Variants in TBC1D22A observed in about 807,000 individuals in gnomAD.
TBC1D22A encodes the protein TBC1 domain family member 22A.
Under a neutral mutation model 60.2 loss-of-function variants are expected in TBC1D22A, and 38 were observed. That is an observed-to-expected ratio of 0.63 (90% CI 0.49 to 0.83). The LOEUF is 0.83. Ranked by LOEUF, TBC1D22A falls within the 40% of genes least tolerant of loss-of-function variation. The pLI, the probability that TBC1D22A is intolerant of heterozygous loss-of-function variation, is 0.00. For synonymous variants in TBC1D22A, 302 were observed against 281.7 expected, an observed-to-expected ratio of 1.07 and a Z score of -0.72; for missense variants, 628 against 701.0, an observed-to-expected ratio of 0.90 and a Z score of 1.18.
At chr22:47,161,301 T>A (rs1441788471) in intron 12 of TBC1D22A, among the ~76,000 whole-genome samples, 1 of 151,556 alleles carries the variant, frequency 6.6e-6, no homozygotes, top group African/African-American at 2.4e-5. Context: ...TCGGGGGCGG[T>A]CCATCTCCTG....
intron 11 of TBC1D22A, among the ~76,000 whole-genome samples, chr22:47,052,880 G>A (rs2063273631): frequency 1.3e-5 from 2 of 152,230 alleles, no homozygotes; most frequent in South Asian, 4.1e-4. Flanking sequence ...CACATGGCTG[G>A]CCCTCTGTGG....
intron 6 of TBC1D22A, among the ~76,000 whole-genome samples, chr22:46,893,805 G>A (rs999495720): frequency 5.9e-5 from 9 of 152,204 alleles, no homozygotes; most frequent in South Asian, 2.1e-4. Flanking sequence ...TGCTGCTGGC[G>A]GGCCTCCTTT....
intron 11 of TBC1D22A, among the ~76,000 whole-genome samples, chr22:47,089,959 C>T (rs550722155): frequency 6.6e-5 from 10 of 152,232 alleles, no homozygotes; most frequent in African/African-American, 1.9e-4. Flanking sequence ...TCAGAACAGC[C>T]CAGTGTGAAG....
intron 8 of TBC1D22A, among the ~76,000 whole-genome samples, chr22:46,956,536 TAGA>T (rs1250472465): frequency 6.6e-6 from 1 of 152,244 alleles, no homozygotes; most frequent in African/African-American, 2.4e-5. Context: ...TAGAGAGACT[TAGA>T]AGAAGCAGAG....
intron 4 of TBC1D22A, among the ~76,000 whole-genome samples, chr22:46,853,947 A>G (rs2087426859): frequency 6.6e-6 from 1 of 152,130 alleles, no homozygotes; most frequent in Non-Finnish European, 1.5e-5. Flanking sequence ...TTTTGCACCA[A>G]TGGACACTTC....
intron 1 of TBC1D22A, among the ~76,000 whole-genome samples, chr22:46,768,434 A>G (rs1038393934): frequency 1.7e-4 from 25 of 145,452 alleles, no homozygotes; most frequent in East Asian, 4.1e-4. Flanking sequence ...GCAGTGAGCC[A>G]AGGTCGCGCC....
Position 46,918,489 on chromosome 22 carries a change from C to T in TBC1D22A, c.1015+6301C>T, listed in dbSNP as rs139834340. On this transcript the variant is annotated intron_variant, in intron 8 of 12. Transcript: ENST00000337137. Reference sequence around the variant, plus strand: ...CAGGCTGCCAGACCAGTGTGTGCCCCGGGGAGAGGTATGGTGGTGTGGTAA... The same window carrying T: ...CAGGCTGCCAGACCAGTGTGTGCCCTGGGGAGAGGTATGGTGGTGTGGTAA... Among the ~76,000 whole-genome samples the T allele has an allele frequency of 7.0e-3, 1,071 of 152,126 alleles. 14 individuals are homozygous for T. Among genetic ancestry groups the T allele is most frequent in the Non-Finnish European group, 6.6e-3 (452 of 68,006 alleles).
chr22:47,133,103 A>G (rs1380194157), intron 12 of TBC1D22A, among the ~76,000 whole-genome samples: 4 of 152,274 alleles, frequency 2.6e-5, no homozygotes, highest in African/African-American at 4.8e-5. Flanking sequence ...GTAACAGCCT[A>G]TCCACTTCAT....
At chr22:46,828,583 C>T (rs764087788) in intron 4 of TBC1D22A, among the ~76,000 whole-genome samples, 18 of 152,354 alleles carry the variant, frequency 1.2e-4, no homozygotes, top group Non-Finnish European at 1.9e-4. Context: ...GCCCGTCTCC[C>T]ACAGGAGATC....
chr22:46,854,821 C>T lies in TBC1D22A; in HGVS notation c.638-23832C>T, dbSNP rs549430213. On this transcript the variant is annotated intron_variant, in intron 4 of 12. Transcript: ENST00000337137. ...CCTGATATTTAATGCCTTTCTTAAT[C>T]GGACTCCTAATTACGTGTTCATCCT... Among the ~76,000 whole-genome samples, 18 of 152,312 alleles carry T rather than the reference C, an allele frequency of 1.2e-4. 1 individual carries two copies. The South Asian group carries it at 3.5e-3, about 30-fold the overall frequency.
At chr22:47,054,492 G>A (rs1266075921) in intron 11 of TBC1D22A, among the ~76,000 whole-genome samples, 1 of 152,198 alleles carries the variant, frequency 6.6e-6, no homozygotes, top group African/African-American at 2.4e-5. Context: ...TCTCCACAGA[G>A]CTGGCTCCAG....
intron 12 of TBC1D22A, among the ~76,000 whole-genome samples, chr22:47,111,875 C>T (rs1427494922): frequency 2.6e-5 from 4 of 152,202 alleles, no homozygotes; most frequent in Non-Finnish European, 4.4e-5. Flanking sequence ...CCTGGGGCAG[C>T]GTGCCCCTCA....
At chr22:47,132,867 A>G (rs1601618213) in intron 12 of TBC1D22A, among the ~76,000 whole-genome samples, 4 of 152,372 alleles carry the variant, frequency 2.6e-5, no homozygotes, top group East Asian at 1.9e-4. Context: ...ACCTTGAAAC[A>G]TAAACTGAGC....
At position 47,153,339 on chromosome 22, in the gene TBC1D22A, C is replaced by T. The variant is rs557920139; in HGVS notation, c.1426-20159C>T. The stretch of plus-strand genomic sequence containing the variant: ...CAGTATTTTAGCAGGGCTTGTGCCT[C>T]CTTTCATGAAGAAAATTAAAGTTCT... On this transcript the variant is annotated intron_variant, in intron 12 of 12. Transcript: ENST00000337137. 3.2e-3 allele frequency among the ~76,000 whole-genome samples: 489 copies of T among 152,222 alleles called. 3 individuals carry two copies. Among genetic ancestry groups the T allele is most frequent in the African/African-American group, 0.01 (431 of 41,488 alleles).
intron 8 of TBC1D22A, among the ~76,000 whole-genome samples, chr22:46,922,194 T>G (rs1263384865): frequency 1.3e-5 from 2 of 152,264 alleles, no homozygotes; most frequent in African/African-American, 2.4e-5. Context: ...CAGATGGCTG[T>G]AAATGTGTGG....
intron 11 of TBC1D22A, among the ~76,000 whole-genome samples, chr22:47,049,394 C>T (rs2063138213): frequency 6.6e-6 from 1 of 152,238 alleles, no homozygotes; most frequent in African/African-American, 2.4e-5. Flanking sequence ...GGGACCTTTG[C>T]ACAGATGGCG....
chr22:46,935,141 CAGT>C (rs2071571789), intron 8 of TBC1D22A, among the ~76,000 whole-genome samples: 1 of 152,084 alleles, frequency 6.6e-6, no homozygotes, highest in Non-Finnish European at 1.5e-5. Context: ...ATGAAGGCAT[CAGT>C]AGGTTTCGAA....
At chr22:46,782,782 A>G (rs1235787979) in intron 1 of TBC1D22A, among the ~76,000 whole-genome samples, 3 of 152,150 alleles carry the variant, frequency 2.0e-5, no homozygotes, top group Non-Finnish European at 4.4e-5. Flanking sequence ...GGATTCACCC[A>G]TGCTGTGTTG....
intron 11 of TBC1D22A, among the ~76,000 whole-genome samples, chr22:47,040,268 C>A (rs113313692): frequency 6.9e-4 from 105 of 152,164 alleles, no homozygotes; most frequent in African/African-American, 2.5e-3. Flanking sequence ...TTAAACAACC[C>A]GATCTCAGGA....
Sources: allele counts gnomAD v4.1 joint callset (sites outside exome capture counted in the v4.1 genomes callset), GRCh38; gene constraint gnomAD v4.1.1; transcripts MANE v1.5; gene names NCBI Gene and HGNC (gene_info 2026-07-23, HGNC 2026-07-21).